EVC2: variants seen among roughly 807,000 people sequenced by gnomAD.
EVC2 encodes EvC ciliary complex subunit 2.
EVC2 carries 148 observed loss-of-function variants against 149.3 expected under a neutral mutation model. The observed-to-expected ratio is 0.99, with a 90% CI of 0.87 to 1.14. The LOEUF is 1.14. Among genes scored for constraint, EVC2 ranks in the 50% most tolerant of loss-of-function variants. EVC2 has a pLI of 0.00. For missense variants in EVC2, 1,854 were observed against 1,627.3 expected, an observed-to-expected ratio of 1.14 and a Z score of -2.40; for synonymous variants, 776 against 649.9, an observed-to-expected ratio of 1.19 and a Z score of -2.95.
At chr4:5,702,023 T>C (rs1204324630) in intron 1 of EVC2, among the ~76,000 whole-genome samples, 2 of 152,060 alleles carry the variant, frequency 1.3e-5, no homozygotes, top group African/African-American at 4.8e-5. Flanking sequence ...CTGCCATCTA[T>C]TCTCACCCCT....
At chr4:5,666,216 G>A (rs992963917) in intron 7 of EVC2, among the ~76,000 whole-genome samples, 1 of 146,508 alleles carries the variant, frequency 6.8e-6, no homozygotes, top group African/African-American at 2.5e-5. Flanking sequence ...GCATTTTTTA[G>A]GTTTATAGCA....
At chr4:5,682,089 G>C (rs1017640866) in intron 6 of EVC2, among the ~76,000 whole-genome samples, 3 of 152,150 alleles carry the variant, frequency 2.0e-5, no homozygotes, top group Non-Finnish European at 4.4e-5. Context: ...ATTAACTTAG[G>C]TAATATAGAA....
chr4:5,575,897 T>C (rs1473827315), intron 18 of EVC2, among the ~76,000 whole-genome samples: 1 of 152,220 alleles, frequency 6.6e-6, no homozygotes, highest in Admixed American at 6.5e-5. Context: ...TCAATTCACA[T>C]ACCATGATTA....
chr4:5,530,807 T>A, the EVC2 span, among the ~76,000 whole-genome samples: 20 of 152,312 alleles, frequency 1.3e-4, no homozygotes, highest in African/African-American at 4.6e-4. Flanking sequence ...CTGGGTTCAA[T>A]TCATACTTAC....
chr4:5,548,375 C>G (rs1721662748), intron 21 of EVC2, among the ~76,000 whole-genome samples: 1 of 149,630 alleles, frequency 6.7e-6, no homozygotes, highest in Non-Finnish European at 1.5e-5. Context: ...CATGAGACAA[C>G]CTTGAGGGTG....
rs143633697 is a variant in EVC2, at chr4:5,587,966, A to T, written c.2830-3116T>A. ...TAGTTTTTACTTCTTCTTTCTTTGG[A>T]GGCAGAAATTGGGCATAAGACAATA... On this transcript the variant is annotated intron_variant, in intron 16 of 21. Coordinates refer to ENST00000344408, the MANE Select transcript of EVC2 (RefSeq NM_147127.5). Among the ~76,000 whole-genome samples the T allele has an allele frequency of 8.0e-3, 1,212 of 152,136 alleles. 7 individuals are homozygous for T. Among genetic ancestry groups the T allele is most frequent in the South Asian group, 0.031 (151 of 4,812 alleles).
intron 5 of EVC2, among the ~76,000 whole-genome samples, chr4:5,685,738 G>C (rs954207309): frequency 6.6e-6 from 1 of 152,204 alleles, no homozygotes; most frequent in Non-Finnish European, 1.5e-5. Flanking sequence ...ATTCACGAGT[G>C]GGGGTGCACC....
chr4:5,533,608 T>G, the EVC2 span, among the ~76,000 whole-genome samples: 1 of 152,148 alleles, frequency 6.6e-6, no homozygotes, highest in Admixed American at 6.5e-5. Context: ...CTGCAGCCAG[T>G]AAGGGGCAGA....
At chr4:5,593,957 C>G (rs970669914) in intron 16 of EVC2, among the ~76,000 whole-genome samples, 1 of 152,226 alleles carries the variant, frequency 6.6e-6, no homozygotes, top group African/African-American at 2.4e-5. Flanking sequence ...CCCATGGAGT[C>G]TCGCTGATTG....
chr4:5,610,794 CTTTT>C (rs10690279), intron 16 of EVC2, among the ~76,000 whole-genome samples: 5 of 126,492 alleles, frequency 4.0e-5, no homozygotes, highest in Non-Finnish European at 8.1e-5. Context: ...TTTTCCTTTT[CTTTT>C]TTTTTTTTTT....
intron 6 of EVC2, among the ~76,000 whole-genome samples, chr4:5,683,572 C>T (rs5005273): frequency 0.93 from 141,405 of 152,162 alleles, 65,819 homozygotes; most frequent in African/African-American, 0.97. Context: ...CCTGGTTTCA[C>T]GGAGCTGACA....
chr4:5,575,044 G>A (rs914064505), intron 18 of EVC2, among the ~76,000 whole-genome samples: 1 of 152,146 alleles, frequency 6.6e-6, no homozygotes, highest in South Asian at 2.1e-4. Context: ...GGCTTTACAG[G>A]GTGATCTCTG....
intron 10 of EVC2, among the ~76,000 whole-genome samples, chr4:5,639,951 C>G (rs913946663): frequency 2.6e-5 from 4 of 152,104 alleles, no homozygotes; most frequent in African/African-American, 9.7e-5. Flanking sequence ...ACTGCCTAGC[C>G]CAGTGCCTGA....
intron 3 of EVC2, among the ~76,000 whole-genome samples, chr4:5,691,551 T>A (rs1210799226): frequency 6.6e-6 from 1 of 152,222 alleles, no homozygotes; most frequent in Admixed American, 6.5e-5. Context: ...CACCACAGTG[T>A]ATTCCTGGTC....
In EVC2 at chr4:5,620,624, A is replaced by AAGCAAAGT. The variant is rs1166864731; in HGVS notation, c.2501+1905_2501+1912dup. On this transcript the variant is annotated intron_variant, in intron 14 of 21. Coordinates refer to ENST00000344408, the MANE Select transcript of EVC2 (RefSeq NM_147127.5). ...GCTGCAACCTTTTAGAATCTTAAAT[A>AAGCAAAGT]AGCAAAGTATATGAGCAGACTCACA... 9.2e-5 allele frequency among the ~76,000 whole-genome samples: 14 copies of AAGCAAAGT among 152,334 alleles called. No individual in the cohort carries two copies. In the South Asian group the frequency reaches 2.5e-3, roughly 27 times the overall value.
At position 5,672,232 on chromosome 4, in the gene EVC2, G is replaced by C. The variant is rs181781586; in HGVS notation, c.871-6583C>G. ...GGCAGAGGAGAACGAGCTGGGCCAG[G>C]GGGAGGGCGAGCCTGGAGAAGGACT... On this transcript the variant is annotated intron_variant, in intron 7 of 21. Coordinates refer to ENST00000344408, the MANE Select transcript of EVC2 (RefSeq NM_147127.5). 2.0e-3 allele frequency among the ~76,000 whole-genome samples: 309 copies of C among 152,328 alleles called. 2 individuals carry two copies. Among genetic ancestry groups the C allele is most frequent in the Admixed American group, 0.013 (197 of 15,310 alleles).
chr4:5,643,096 G>A (rs1717462264), intron 9 of EVC2, among the ~76,000 whole-genome samples: 1 of 152,104 alleles, frequency 6.6e-6, no homozygotes, highest in Admixed American at 6.5e-5. Flanking sequence ...ACTTAACCTT[G>A]TTGCTAAAGG....
At chr4:5,694,745 A>G (rs1721357732) in intron 2 of EVC2, among the ~76,000 whole-genome samples, 1 of 152,202 alleles carries the variant, frequency 6.6e-6, no homozygotes. Context: ...TGGGTTGTGC[A>G]GCCCCACCTA....
At chr4:5,606,316 A>G (rs1714388329) in intron 16 of EVC2, among the ~76,000 whole-genome samples, 1 of 152,212 alleles carries the variant, frequency 6.6e-6, no homozygotes, top group African/African-American at 2.4e-5. Context: ...AAGCCTCAAT[A>G]CATTCCAAAG....
Sources: gnomAD v4.1 joint callset for allele counts (sites outside exome capture counted in the v4.1 genomes callset) on GRCh38, gnomAD v4.1.1 for gene constraint, MANE v1.5 for transcripts, NCBI Gene and HGNC (gene_info 2026-07-23, HGNC 2026-07-21) for gene names.